The following SLC10A6 variants were observed in gnomAD, a reference collection of about 807,000 sequenced individuals.
The protein encoded by SLC10A6 is solute carrier family 10 member 6, also known as sodium-dependent organic anion transporter.
In SLC10A6, 27 loss-of-function variants were observed where a neutral mutation model predicts 30.0. The ratio of observed to expected loss-of-function variants is 0.90; its 90% CI spans 0.66 to 1.24. SLC10A6 has a LOEUF of 1.24. Among genes scored for constraint, SLC10A6 ranks in the 50% most tolerant of loss-of-function variants. The pLI, the probability that SLC10A6 is intolerant of heterozygous loss-of-function variation, is 0.00. For missense variants in SLC10A6, 439 were observed against 457.0 expected (o/e 0.96, Z 0.36); for synonymous variants, 166 against 173.8 (o/e 0.95, Z 0.36).
intron 3 of SLC10A6, 55 bp downstream of exon 3, chr4:86,831,737 T>A (rs1678882545): frequency 1.4e-6 from 2 of 1,449,178 alleles, no homozygotes; most frequent in Non-Finnish European, 1.9e-6. Context: ...CTCACTTCTG[T>A]CTTTCAGGCC....
intron 1 of SLC10A6, among the ~76,000 whole-genome samples, chr4:86,837,294 G>GAAAGAAAAAGA (rs1560460401): frequency 2.3e-4 from 16 of 68,742 alleles, no homozygotes; most frequent in East Asian, 7.3e-4. Context: ...AAAAAGAAAG[G>GAAAGAAAAAGA]AAGGAAGGAA....
chr4:86,832,021 A>C, intron 2 of SLC10A6, 141 bp from the exon 3 acceptor site: 1 of 688,520 alleles, frequency 1.5e-6, no homozygotes, highest in Non-Finnish European at 2.5e-6. Context: ...ATAAATGCCT[A>C]CAATATTGGC....
At chr4:86,828,239 G>T in intron 3 of SLC10A6, 71 bp from the exon 4 acceptor site, 2 of 1,475,932 alleles carry the variant, frequency 1.4e-6, no homozygotes, top group Admixed American at 2.3e-5. Flanking sequence ...GTCCATCAAG[G>T]TTGTAAAATG....
rs535937294 is a variant in SLC10A6 at position 86,831,637 on chromosome 4, T to C, written c.585+155A>G. On this transcript the variant is annotated intron_variant, in intron 3 of 5. Coordinates refer to ENST00000273905, the MANE Select transcript of SLC10A6 (RefSeq NM_197965.3). ...AGCAAGGCTTACAGGGTGGAGGAAA[T>C]ATGATCCCTGGATCCAAAACCACAG... Among the ~76,000 whole-genome samples, 5 of 152,206 alleles carry C rather than the reference T, an allele frequency of 3.3e-5. No individual in the cohort carries two copies. The East Asian group carries it at 7.7e-4, about 24-fold the overall frequency.
intron 1 of SLC10A6, among the ~76,000 whole-genome samples, chr4:86,841,476 T>C (rs1372582745): frequency 1.3e-5 from 2 of 152,218 alleles, no homozygotes; most frequent in Non-Finnish European, 2.9e-5. Context: ...TAAGTAAGTC[T>C]CTTGACTTTT....
At chr4:86,837,225 GAGAAAGAAAGAAAGAAAGAAAGAA>G (rs530121412) in intron 1 of SLC10A6, among the ~76,000 whole-genome samples, 3 of 39,136 alleles carry the variant, frequency 7.7e-5, no homozygotes, top group South Asian at 9.1e-4. Flanking sequence ...GAGAGAGAGA[GAGAAAGAAAGAAAGAAAGAAAGAA>G]AGAAAGAAAG....
chr4:86,843,900 C>T (rs866228635), intron 1 of SLC10A6, among the ~76,000 whole-genome samples: 5 of 152,132 alleles, frequency 3.3e-5, no homozygotes, highest in Non-Finnish European at 7.4e-5. Context: ...GGAAACTGGC[C>T]GGGCTCGGTG....
chr4:86,839,273 C>CAAA (rs60340324), intron 1 of SLC10A6, among the ~76,000 whole-genome samples: 5 of 55,360 alleles, frequency 9.0e-5, no homozygotes, highest in East Asian at 5.6e-4. Flanking sequence ...CTGGTCTCTA[C>CAAA]AAAAAAAAAA....
chr4:86,829,328 T>G (rs1228273910), intron 3 of SLC10A6, among the ~76,000 whole-genome samples: 2 of 152,096 alleles, frequency 1.3e-5, no homozygotes, highest in Non-Finnish European at 2.9e-5. Context: ...GGAGAATTAC[T>G]TGAACCCAGG....
intron 3 of SLC10A6, among the ~76,000 whole-genome samples, chr4:86,829,060 T>G (rs1005790385): frequency 6.6e-6 from 1 of 152,148 alleles, no homozygotes; most frequent in Admixed American, 6.5e-5. Flanking sequence ...GGGTCATTTT[T>G]ACTGTTCAAA....
At chr4:86,831,090 A>G (rs1427808432) in intron 3 of SLC10A6, among the ~76,000 whole-genome samples, 1 of 152,140 alleles carries the variant, frequency 6.6e-6, no homozygotes, top group Non-Finnish European at 1.5e-5. Context: ...CTCCCACCTC[A>G]GCCTGCCAAA....
intron 3 of SLC10A6, among the ~76,000 whole-genome samples, chr4:86,830,714 C>T (rs193255122): frequency 1.1e-4 from 17 of 152,190 alleles, no homozygotes; most frequent in Middle Eastern, 3.4e-3. Context: ...TAGAGCCAAA[C>T]GGCAAAAGCT....
At chr4:86,824,111 G>C (rs1745934297) in intron 5 of SLC10A6, among the ~76,000 whole-genome samples, 1 of 152,180 alleles carries the variant, frequency 6.6e-6, no homozygotes. Flanking sequence ...TGAACCATTT[G>C]TGATTGAGGC....
intron 1 of SLC10A6, among the ~76,000 whole-genome samples, chr4:86,837,152 G>A (rs978149004): frequency 3.3e-5 from 5 of 149,532 alleles, no homozygotes; most frequent in African/African-American, 1.2e-4. Flanking sequence ...ATATTGTAAA[G>A]CCTCCTTTGC....
intron 3 of SLC10A6, among the ~76,000 whole-genome samples, chr4:86,829,292 TC>T (rs1746042748): frequency 6.6e-6 from 1 of 152,090 alleles, no homozygotes; most frequent in East Asian, 1.9e-4. Context: ...ATGCCTGTAA[TC>T]CCAGCTACTC....
At chr4:86,825,244 T>C (rs1345540770) in intron 5 of SLC10A6, among the ~76,000 whole-genome samples, 176 bp downstream of exon 5, 1 of 152,218 alleles carries the variant, frequency 6.6e-6, no homozygotes, top group Non-Finnish European at 1.5e-5. Context: ...TCTGTGAAAC[T>C]CCCACTTGTG....
intron 1 of SLC10A6, among the ~76,000 whole-genome samples, chr4:86,840,219 G>A (rs1369341658): frequency 1.3e-5 from 2 of 151,918 alleles, no homozygotes; most frequent in Non-Finnish European, 2.9e-5. Flanking sequence ...GCACCCAGCC[G>A]ACACTCTGGA....
chr4:86,826,377 G>A (rs920293813), intron 4 of SLC10A6, among the ~76,000 whole-genome samples: 3 of 151,964 alleles, frequency 2.0e-5, no homozygotes, highest in African/African-American at 7.3e-5. Flanking sequence ...TCAGGAGTTC[G>A]AGACCAGCCT....
chr4:86,827,567 A>G (rs542573606), intron 4 of SLC10A6, among the ~76,000 whole-genome samples: 1 of 152,304 alleles, frequency 6.6e-6, no homozygotes, highest in South Asian at 2.1e-4. Context: ...AAAGTAGTAC[A>G]TACTTATTGA....
Sources: allele counts gnomAD v4.1 joint callset (sites outside exome capture counted in the v4.1 genomes callset), GRCh38; gene constraint gnomAD v4.1.1; transcripts MANE v1.5; gene names NCBI Gene and HGNC (gene_info 2026-07-23, HGNC 2026-07-21).